Variants in LAMC3 observed in about 807,000 individuals in gnomAD.
LAMC3 encodes laminin subunit gamma-3.
Under a neutral mutation model 173.8 loss-of-function variants are expected in LAMC3, and 128 were observed. The ratio of observed to expected loss-of-function variants is 0.74; its 90% CI spans 0.64 to 0.85. The LOEUF (loss-of-function observed/expected upper bound fraction) is 0.85. Among genes scored for constraint, LAMC3 ranks in the 40% least tolerant of loss-of-function variants. The pLI, the probability that LAMC3 is intolerant of heterozygous loss-of-function variation, is 0.00. For synonymous variants in LAMC3, 897 were observed against 909.1 expected (o/e 0.99, Z 0.24); for missense variants, 2,022 against 2,156.0 (o/e 0.94, Z 1.23).
rs140703607 is a variant in LAMC3 at position 131,011,667 on chromosome 9, G to A, written c.373+2080G>A. On this transcript the variant is annotated intron_variant, in intron 1 of 27. Transcript: ENST00000361069. ...GAGGGGGAGGGGACAGGAAGCCAGT[G>A]GGGAGGGGGGAGGCTGGGGGAGCTG... Among the ~76,000 whole-genome samples, 784 of 151,918 alleles carry A rather than the reference G, an allele frequency of 5.2e-3. 7 individuals carry two copies. The highest frequency in any genetic ancestry group is 0.018 in the African/African-American group (747 of 41,332).
intron 13 of LAMC3, among the ~76,000 whole-genome samples, chr9:131,065,039 TAAAAA>T (rs754104539): frequency 2.2e-4 from 6 of 27,422 alleles, no homozygotes; most frequent in Non-Finnish European, 2.7e-4. Context: ...AGACTCCATC[TAAAAA>T]AAAAAAAAAA....
At chr9:131,068,322 G>T in intron 15 of LAMC3, 91 bp downstream of exon 15, 2 of 1,386,244 alleles carry the variant, frequency 1.4e-6, no homozygotes, top group South Asian at 2.5e-5. Flanking sequence ...TGGTTTGGAA[G>T]GTGTTGTCCT....
Position 131,009,570 on chromosome 9 carries a change from A to T in LAMC3, c.356A>T (p.Asn119Ile). 6.4e-7 allele frequency: 1 copy of T among 1,573,140 alleles called. No individual in the cohort carries two copies. The highest frequency in any genetic ancestry group is 2.4e-5 in the East Asian group (1 of 42,444). Residue 119 changes from asparagine (N) to isoleucine (I), a missense_variant, in exon 1 of 28, where the codon AAC (asparagine) becomes ATC (isoleucine). By Grantham distance (149) the Asn-to-Ile change is moderately radical. Coordinates refer to ENST00000361069, the MANE Select transcript of LAMC3 (RefSeq NM_006059.4). This position sits in a 1 kb window ranked among gnomAD's most constrained non-coding sequence, Gnocchi z 4.3. The stretch of plus-strand genomic sequence containing the variant: ...GGCGTGCAGTACCCCACCTCGGTCA[A>T]CATCACCCTCCGCCTAGGTAAGCGC... ...AFGVQYPTSV[N>I]ITLRLGKAYE...
At chr9:131,089,040 A>C (rs1830377127) in intron 27 of LAMC3, among the ~76,000 whole-genome samples, 1 of 152,018 alleles carries the variant, frequency 6.6e-6, no homozygotes, top group African/African-American at 2.4e-5. Context: ...AGCCAGGATC[A>C]CACCACTGCA....
chr9:131,064,235 C>G (rs991305609), intron 13 of LAMC3, among the ~76,000 whole-genome samples: 2 of 152,120 alleles, frequency 1.3e-5, no homozygotes, highest in African/African-American at 4.8e-5. Flanking sequence ...TTCAACAGAC[C>G]GATGACTTTT....
chr9:131,045,450 C>G, intron 7 of LAMC3, 74 bp from the exon 8 acceptor site: 1 of 1,561,280 alleles, frequency 6.4e-7, no homozygotes, highest in Non-Finnish European at 8.8e-7. Flanking sequence ...ATTGGTCCAG[C>G]TGGGATACCC....
intron 12 of LAMC3, 66 bp from the exon 13 acceptor site, chr9:131,060,969 C>A (rs1328327872): frequency 1.9e-6 from 3 of 1,542,682 alleles, no homozygotes; most frequent in East Asian, 4.5e-5. Flanking sequence ...CTAACCTCTC[C>A]CACCGGGATG....
intron 18 of LAMC3, among the ~76,000 whole-genome samples, chr9:131,071,923 A>T (rs1830042543): frequency 6.6e-6 from 1 of 152,152 alleles, no homozygotes; most frequent in South Asian, 2.1e-4. Context: ...TGCTGTCTTG[A>T]TTCTTGGCCG....
chr9:131,072,899 T>C (rs1224557215), intron 19 of LAMC3, 64 bp downstream of exon 19: 8 of 1,474,538 alleles, frequency 5.4e-6, no homozygotes, highest in Non-Finnish European at 6.5e-6. Flanking sequence ...GCCCCAGCCC[T>C]CCCATTGACC....
Position 131,075,884 on chromosome 9 carries a change from C to A in LAMC3, c.3548C>A (p.Ala1183Asp). The A allele has an allele frequency of 6.2e-7, 1 of 1,612,678 alleles. No individual in the cohort carries two copies. The highest frequency in any genetic ancestry group is 1.7e-4 in the Middle Eastern group (1 of 6,058). The change falls in exon 21 of 28, where the codon GCC (alanine) becomes GAC (aspartate). Residue 1183 changes from alanine to aspartate, a missense_variant. Coordinates refer to ENST00000361069, the MANE Select transcript of LAMC3 (RefSeq NM_006059.4). ...IAATAWRALL[A>D]SNTSYALLWN... ...GCCACTGCTTGGAGGGCCCTGCTCG[C>A]CTCCAACACCAGCTACGCGCTTCTC...
intron 9 of LAMC3, 61 bp from the exon 10 acceptor site, chr9:131,052,430 A>G: frequency 1.4e-6 from 2 of 1,391,950 alleles, no homozygotes; most frequent in Non-Finnish European, 1.0e-6. Context: ...AAATCAACAT[A>G]GACATTTAAA....
intron 3 of LAMC3, among the ~76,000 whole-genome samples, chr9:131,033,607 G>C (rs1254082095): frequency 6.6e-6 from 1 of 152,116 alleles, no homozygotes; most frequent in East Asian, 1.9e-4. Context: ...GATTTGGTCA[G>C]GGTAGTAACA....
chr9:131,036,851 T>TCTGGCTGGGGCA (rs1244003624), intron 4 of LAMC3, among the ~76,000 whole-genome samples: 21 of 152,222 alleles, frequency 1.4e-4, no homozygotes, highest in Non-Finnish European at 2.2e-4. Context: ...TGACTTCCCT[T>TCTGGCTGGGGCA]CTGGCTGGGG....
intron 13 of LAMC3, among the ~76,000 whole-genome samples, chr9:131,064,980 G>A (rs1432227192): frequency 6.6e-6 from 1 of 150,838 alleles, no homozygotes; most frequent in Non-Finnish European, 1.5e-5. Context: ...GGTGGGGCTT[G>A]CGGTGAGCCG....
intron 13 of LAMC3, among the ~76,000 whole-genome samples, chr9:131,066,368 G>A (rs1829932062): frequency 6.6e-6 from 1 of 151,682 alleles, no homozygotes; most frequent in Non-Finnish European, 1.5e-5. Context: ...GCGGGTGCCT[G>A]TAATCCCATC....
At position 131,070,323 on chromosome 9, in the gene LAMC3, G is replaced by A. The variant is rs10751515; in HGVS notation, c.3069+473G>A. ...GCCTTGGTAAGCCTCTGTCTCTTTC[G>A]TACTCCAGACTGGAGATAGTTCAGG... On this transcript the variant is annotated intron_variant, in intron 17 of 27. Coordinates refer to ENST00000361069, the MANE Select transcript of LAMC3 (RefSeq NM_006059.4). 3.9e-4 allele frequency among the ~76,000 whole-genome samples: 60 copies of A among 152,252 alleles called. 1 individual carries two copies. The South Asian group carries it at 4.6e-3, about 12-fold the overall frequency.
chr9:131,063,300 C>T (rs898872252), intron 13 of LAMC3, among the ~76,000 whole-genome samples: 1 of 152,228 alleles, frequency 6.6e-6, no homozygotes, highest in Admixed American at 6.5e-5. Flanking sequence ...CATTTTCTAG[C>T]TCCCGACTGT....
At chr9:131,032,323 TG>T (rs1282689579) in intron 3 of LAMC3, 148 bp downstream of exon 3, 2 of 753,960 alleles carry the variant, frequency 2.7e-6, no homozygotes, top group Admixed American at 4.1e-5. Flanking sequence ...TTCGAGGCCC[TG>T]GGGGTCCACA....
rs151159947 is a variant in LAMC3, at chr9:131,069,048, G to A, written c.2888G>A (p.Arg963Gln). 90 of 1,613,436 alleles carry A rather than the reference G, an allele frequency of 5.6e-5. No individual in the cohort carries two copies. Among genetic ancestry groups the A allele is most frequent in the Non-Finnish European group, 6.0e-5 (71 of 1,179,910 alleles). Reference protein sequence around the residue: ...GFFGFSIKGCRACRCSPLGAA... With the variant: ...GFFGFSIKGCQACRCSPLGAA... ...TTCGGCTTCTCCATCAAGGGCTGCC[G>A]GGGTAAGGAGGCTGGGTCCTTCCCG... is the stretch of plus-strand genomic sequence containing the variant. Residue 963 changes from arginine to glutamine, a missense_variant and splice_region_variant, in exon 16 of 28, where the codon CGG becomes CAG. Physicochemically the swap from Arg to Gln is conservative, Grantham distance 43. Coordinates refer to ENST00000361069, the MANE Select transcript of LAMC3 (RefSeq NM_006059.4).
Sources: gnomAD v4.1 joint callset for allele counts (sites outside exome capture counted in the v4.1 genomes callset) on GRCh38, gnomAD v4.1.1 for gene constraint, Gnocchi (gnomAD v3.1) non-coding constraint, MANE v1.5 for transcripts, NCBI Gene and HGNC (gene_info 2026-07-23, HGNC 2026-07-21) for gene names.